CD2AP: variants seen among roughly 807,000 people sequenced by gnomAD.
CD2AP encodes the protein CD2 associated protein.
In CD2AP, 46 loss-of-function variants were observed where a neutral mutation model predicts 85.1. The ratio of observed to expected loss-of-function variants is 0.54; its 90% confidence interval spans 0.43 to 0.69. CD2AP has a LOEUF of 0.69. Ranked by LOEUF, CD2AP falls within the 30% of genes least tolerant of loss-of-function variation. The pLI is 0.00. For missense variants in CD2AP, 769 were observed against 729.5 expected, an observed-to-expected ratio of 1.05 and a Z score of -0.62; for synonymous variants, 255 against 252.9, an observed-to-expected ratio of 1.01 and a Z score of -0.08.
At chr6:47,594,095 A>G (rs62397733) in intron 11 of CD2AP, among the ~76,000 whole-genome samples, 6,873 of 152,232 alleles carry the variant, frequency 0.045, 235 homozygotes, top group Middle Eastern at 0.088. Context: ...GTAAATCCAT[A>G]GAAGATAGAA....
intron 8 of CD2AP, among the ~76,000 whole-genome samples, 172 bp downstream of exon 8, chr6:47,577,275 G>A (rs530181363): frequency 7.5e-4 from 114 of 152,210 alleles, no homozygotes; most frequent in African/African-American, 2.5e-3. Flanking sequence ...TGCTCAGAAC[G>A]TTCTCTTTTT....
chr6:47,499,459 CT>C (rs1002598581), intron 1 of CD2AP, among the ~76,000 whole-genome samples: 42 of 152,230 alleles, frequency 2.8e-4, no homozygotes, highest in African/African-American at 9.6e-4. Context: ...TTGAAAGTAG[CT>C]TTTTCCATAT....
chr6:47,522,293 G>T (rs187869825), intron 2 of CD2AP, among the ~76,000 whole-genome samples: 1 of 152,126 alleles, frequency 6.6e-6, no homozygotes, highest in Admixed American at 6.5e-5. Context: ...ATTTTTATTC[G>T]CTGTACTTAA....
intron 1 of CD2AP, 115 bp downstream of exon 1, chr6:47,478,363 C>G (rs533804071): frequency 5.1e-6 from 6 of 1,176,754 alleles, no homozygotes; most frequent in Non-Finnish European, 7.4e-6. Flanking sequence ...GCGGCAGCAC[C>G]CCACCCTCTC....
At chr6:47,589,719 T>C (rs1768741166) in intron 11 of CD2AP, among the ~76,000 whole-genome samples, 1 of 151,882 alleles carries the variant, frequency 6.6e-6, no homozygotes, top group Non-Finnish European at 1.5e-5. Flanking sequence ...TTGCCAATCT[T>C]GAAAGTGGTA....
intron 11 of CD2AP, among the ~76,000 whole-genome samples, chr6:47,587,028 C>T (rs1379342600): frequency 6.6e-6 from 1 of 152,084 alleles, no homozygotes; most frequent in African/African-American, 2.4e-5. Flanking sequence ...TTGCCAGTGA[C>T]CTTTGGACAC....
At chr6:47,543,148 C>CAAAAAAAAAAAAAAAAAA (rs11338409) in intron 3 of CD2AP, among the ~76,000 whole-genome samples, 1 of 60,328 alleles carries the variant, frequency 1.7e-5, no homozygotes, top group African/African-American at 7.0e-5. Context: ...AAGACTGTCT[C>CAAAAAAAAAAAAAAAAAA]AAAAAAAAAA....
At chr6:47,558,124 G>T (rs969701411) in intron 5 of CD2AP, among the ~76,000 whole-genome samples, 2 of 152,140 alleles carry the variant, frequency 1.3e-5, no homozygotes, top group African/African-American at 4.8e-5. Flanking sequence ...TTGGCCCTCT[G>T]TTTGTCTTTT....
intron 6 of CD2AP, 52 bp downstream of exon 6, chr6:47,574,303 T>A (rs973720364): frequency 6.6e-7 from 1 of 1,508,552 alleles, no homozygotes; most frequent in African/African-American, 1.4e-5. Context: ...TCATTAAGCA[T>A]TTTTTAAAAT....
chr6:47,484,789 G>T (rs1293325009), intron 1 of CD2AP, among the ~76,000 whole-genome samples: 1 of 152,158 alleles, frequency 6.6e-6, no homozygotes, highest in Non-Finnish European at 1.5e-5. Flanking sequence ...CTTAGCTTAG[G>T]TTCTTTTTGA....
intron 11 of CD2AP, among the ~76,000 whole-genome samples, chr6:47,587,952 G>A (rs1768675697): frequency 6.6e-6 from 1 of 152,062 alleles, no homozygotes; most frequent in African/African-American, 2.4e-5. Flanking sequence ...ATTATTGTAG[G>A]CTCATGGCTT....
chr6:47,622,664 G>A (rs902334781), intron 17 of CD2AP, among the ~76,000 whole-genome samples: 1 of 152,152 alleles, frequency 6.6e-6, no homozygotes, highest in Non-Finnish European at 1.5e-5. Context: ...TCTCACTTCC[G>A]CAGTTGGGAC....
At chr6:47,617,611 A>G (rs1450826793) in intron 17 of CD2AP, among the ~76,000 whole-genome samples, 2 of 152,090 alleles carry the variant, frequency 1.3e-5, no homozygotes, top group African/African-American at 2.4e-5. Flanking sequence ...TTCTAGTTCC[A>G]TTCACTTCTA....
At chr6:47,507,049 G>T (rs1766191718) in intron 2 of CD2AP, among the ~76,000 whole-genome samples, 2 of 152,122 alleles carry the variant, frequency 1.3e-5, no homozygotes, top group Admixed American at 6.5e-5. Flanking sequence ...TTTGAATCCT[G>T]CATTGTCATT....
chr6:47,525,788 C>T (rs747152574), intron 2 of CD2AP, among the ~76,000 whole-genome samples: 1 of 152,018 alleles, frequency 6.6e-6, no homozygotes, highest in Non-Finnish European at 1.5e-5. Flanking sequence ...TAAGCAAAAC[C>T]AATCAGTATA....
intron 1 of CD2AP, among the ~76,000 whole-genome samples, chr6:47,480,353 G>C (rs544316402): frequency 6.6e-6 from 1 of 152,176 alleles, no homozygotes; most frequent in Non-Finnish European, 1.5e-5. Context: ...TTTAGATGCA[G>C]CCTAAAATAT....
intron 13 of CD2AP, among the ~76,000 whole-genome samples, chr6:47,603,266 G>C (rs1253652725): frequency 6.6e-6 from 1 of 152,010 alleles, no homozygotes; most frequent in East Asian, 1.9e-4. Flanking sequence ...ATAGTATTGA[G>C]TCATATTTTT....
intron 2 of CD2AP, among the ~76,000 whole-genome samples, chr6:47,523,889 C>G (rs1488268785): frequency 6.6e-6 from 1 of 152,080 alleles, no homozygotes; most frequent in Non-Finnish European, 1.5e-5. Flanking sequence ...AAACAAAAGT[C>G]AAAGCAATAT....
At chr6:47,606,354 C>G (rs112722635) in intron 14 of CD2AP, 77 bp downstream of exon 14, 2 of 867,980 alleles carry the variant, frequency 2.3e-6, no homozygotes, top group South Asian at 1.3e-5. Flanking sequence ...GGACTTATAG[C>G]TCTACCTAAG....
Sources: gnomAD v4.1 joint callset for allele counts (sites outside exome capture counted in the v4.1 genomes callset) on GRCh38, gnomAD v4.1.1 for gene constraint, MANE v1.5 for transcripts, NCBI Gene and HGNC (gene_info 2026-07-23, HGNC 2026-07-21) for gene names.